The following DOT1L variants were observed in gnomAD, a reference collection of about 807,000 sequenced individuals.
DOT1L encodes DOT1 like histone lysine methyltransferase.
Under a neutral mutation model 153.3 loss-of-function variants are expected in DOT1L, and 33 were observed. The ratio of observed to expected loss-of-function variants is 0.22; its 90% confidence interval spans 0.16 to 0.29. DOT1L has a LOEUF of 0.29. Ranked by LOEUF, DOT1L falls within the 10% of genes least tolerant of loss-of-function variation. DOT1L has a pLI of 1.00. For missense variants in DOT1L, 1,847 were observed against 2,119.9 expected, an observed-to-expected ratio of 0.87 and a Z score of 2.53; for synonymous variants, 1,135 against 965.1, an observed-to-expected ratio of 1.18 and a Z score of -3.26.
rs145250472 is a variant in DOT1L at position 2,171,996 on chromosome 19, C to T, written c.81+7731C>T. On this transcript the variant is annotated intron_variant, in intron 1 of 27. Coordinates refer to ENST00000398665, the MANE Select transcript of DOT1L (RefSeq NM_032482.3). The stretch of plus-strand genomic sequence containing the variant: ...TCAGACTCCAGGGACGTGAAGATAA[C>T]AGATGGTCACATTGTGCAAATAGTG... Among the ~76,000 whole-genome samples, 22 of 152,224 alleles carry T rather than the reference C, an allele frequency of 1.4e-4. No homozygotes were observed. The East Asian group carries it at 4.1e-3, about 28-fold the overall frequency.
chr19:2,205,922 T>G (rs2023472451), intron 9 of DOT1L, among the ~76,000 whole-genome samples: 1 of 152,038 alleles, frequency 6.6e-6, no homozygotes, highest in Admixed American at 6.6e-5. Context: ...GGCTGGAACT[T>G]CTGGCAGTCT....
rs1213698806 is a variant in DOT1L at position 2,200,820 on chromosome 19, T to TCTCGTCCTCCCCGCATTC, written c.707+894_707+911dup. On this transcript the variant is annotated intron_variant, in intron 8 of 27. Transcript: ENST00000398665. Reference sequence around the variant, plus strand: ...CCGCATTCCTCGTCCTCCCCACGCCTCTCGTCCTCCCCGCATTCCTCGTCC... The same window carrying TCTCGTCCTCCCCGCATTC: ...CCGCATTCCTCGTCCTCCCCACGCCTCTCGTCCTCCCCGCATTCCTCGTCCTCCCCGCATTCCTCGTCC... Among the ~76,000 whole-genome samples, 34 of 27,202 alleles carry TCTCGTCCTCCCCGCATTC rather than the reference T, an allele frequency of 1.2e-3. 1 individual carries two copies. Among genetic ancestry groups the TCTCGTCCTCCCCGCATTC allele is most frequent in the African/African-American group, 3.5e-3 (24 of 6,904 alleles). The allele number at this position is 27,202 out of a possible 152,430, so 17.8% of individuals were successfully genotyped here. A position where few individuals can be genotyped will look rare whatever the true frequency, so the allele number is the denominator to read the frequency against.
At chr19:2,206,164 G>A (rs35792872) in intron 9 of DOT1L, among the ~76,000 whole-genome samples, 69,612 of 151,744 alleles carry the variant, frequency 0.46, 16,255 homozygotes, top group Middle Eastern at 0.55. Flanking sequence ...CACCTGGCTA[G>A]TTTTTGTATT....
At position 2,221,922 on chromosome 19, in the gene DOT1L, G is replaced by C. The variant is rs1156808426; in HGVS notation, c.2807-54G>C. On this transcript the variant is annotated intron_variant, in intron 23 of 27. Coordinates refer to ENST00000398665, the MANE Select transcript of DOT1L (RefSeq NM_032482.3). ...TAGGGGGTGGTGCTCCCACAGCAAG[G>C]CTTTCTCTTTGGCCATCCTGTGTCC... 2.6e-6 allele frequency: 4 copies of C among 1,509,718 alleles called. 1 individual carries two copies. The highest frequency in any genetic ancestry group is 8.9e-7 in the Non-Finnish European group (1 of 1,126,894). 93.5% of individuals were successfully genotyped at this position (1,509,718 alleles called of 1,614,324 possible).
At chr19:2,185,155 C>A (rs760617011) in intron 2 of DOT1L, among the ~76,000 whole-genome samples, 1 of 152,168 alleles carries the variant, frequency 6.6e-6, no homozygotes, top group African/African-American at 2.4e-5. Context: ...CTGCCCACCT[C>A]GGCCTCCCAG....
At chr19:2,195,549 G>C (rs1183822622) in intron 7 of DOT1L, among the ~76,000 whole-genome samples, 5 of 152,300 alleles carry the variant, frequency 3.3e-5, no homozygotes, top group Non-Finnish European at 5.9e-5. Context: ...ACTGCAGGAA[G>C]GTGGATGCTT....
intron 12 of DOT1L, 48 bp from the exon 13 acceptor site, chr19:2,210,352 C>T (rs909672532): frequency 1.6e-5 from 23 of 1,440,396 alleles, no homozygotes; most frequent in East Asian, 2.5e-5. Context: ...GCAGGAGGGC[C>T]GTGGGCAGCG....
chr19:2,213,905 C>T lies in DOT1L; in HGVS notation c.1716C>T (p.Ser572=), dbSNP rs765374986. Residue 572 remains serine, a synonymous_variant, in exon 18 of 28, where the codon TCC becomes TCT. Coordinates refer to ENST00000398665, the MANE Select transcript of DOT1L (RefSeq NM_032482.3). ...NDLIQAQKEI[S]AHNQQLREQS... ...TGATTCAAGCGCAGAAGGAGATCTC[C>T]GCCCATAACCAGCAGCTGCGGGAGC... The T allele has an allele frequency of 3.9e-5, 63 of 1,612,996 alleles. No individual in the cohort carries two copies. Among genetic ancestry groups the T allele is most frequent in the Non-Finnish European group, 4.5e-5 (53 of 1,180,054 alleles).
chr19:2,224,846 A>G (rs1027925464), intron 25 of DOT1L, among the ~76,000 whole-genome samples: 1 of 152,172 alleles, frequency 6.6e-6, no homozygotes, highest in African/African-American at 2.4e-5. Flanking sequence ...TAGCACCTGG[A>G]TGCTCTGTTT....
intron 7 of DOT1L, among the ~76,000 whole-genome samples, chr19:2,195,884 C>G (rs139357042): frequency 1.3e-5 from 2 of 152,334 alleles, no homozygotes; most frequent in Non-Finnish European, 2.9e-5. Flanking sequence ...TCTCACAGTT[C>G]AGAGGGATGC....
At position 2,228,848 on chromosome 19, in the gene DOT1L, G is replaced by A. The variant is rs1188908516; in HGVS notation, c.4607-937G>A. The A allele has an allele frequency of 6.1e-6, 6 of 985,462 alleles. No homozygotes were observed. In the African/African-American group the frequency reaches 8.7e-5, roughly 14 times the overall value. 61.0% of individuals were successfully genotyped at this position (985,462 alleles called of 1,614,324 possible). ...GGCTGCAGAGGTCCTGGAGAGCCAGGGTGGCTGGCTGGATGCCTCTGGTCG... is the reference window on the plus strand; with the variant it reads ...GGCTGCAGAGGTCCTGGAGAGCCAGAGTGGCTGGCTGGATGCCTCTGGTCG... On this transcript the variant is annotated intron_variant, in intron 27 of 27. Transcript: ENST00000398665.
At chr19:2,181,860 G>T (rs1283379210) in intron 2 of DOT1L, among the ~76,000 whole-genome samples, 2 of 152,138 alleles carry the variant, frequency 1.3e-5, no homozygotes, top group African/African-American at 4.8e-5. Context: ...TCTTGTTGCA[G>T]CTGGGGGCCA....
At chr19:2,184,662 A>G (rs2144714252) in intron 2 of DOT1L, among the ~76,000 whole-genome samples, 1 of 152,208 alleles carries the variant, frequency 6.6e-6, no homozygotes, top group Non-Finnish European at 1.5e-5. Flanking sequence ...TCCAAGCGGA[A>G]GGCGTGTCCT....
At position 2,164,265 on chromosome 19, in the gene DOT1L, C is replaced by T. The variant is rs1207839189; in HGVS notation, c.81C>T (p.Tyr27=). Residue 27 remains tyrosine (Y), a splice_region_variant and synonymous_variant, in exon 1 of 28, where the codon TAC becomes TAT. Transcript: ENST00000398665. The part of the protein sequence containing the change: ...PAVYPWPLPV[Y]DKHHDAAHEI... ...TCTACCCGTGGCCGCTGCCGGTCTA[C>T]GTGAGTGCCGCCCTCCACCGTCCCT... The T allele has an allele frequency of 3.2e-6, 4 of 1,269,218 alleles. No homozygotes were observed. The highest frequency in any genetic ancestry group is 4.0e-6 in the Non-Finnish European group (4 of 1,004,792). 78.6% of individuals were successfully genotyped at this position (1,269,218 alleles called of 1,614,324 possible). A position where few individuals can be genotyped will look rare whatever the true frequency, so the allele number is the denominator to read the frequency against.
In DOT1L at chr19:2,230,301, G is replaced by GCCA. The variant is rs1431929662; in HGVS notation, c.*514_*516dup. The GCCA allele has an allele frequency of 2.4e-6, 1 of 416,222 alleles. No homozygotes were observed. Among genetic ancestry groups the GCCA allele is most frequent in the Non-Finnish European group, 4.2e-6 (1 of 237,176 alleles). The allele number at this position is 416,222 out of a possible 1,614,324, so 25.8% of individuals were successfully genotyped here. On this transcript the variant is annotated 3_prime_UTR_variant, in exon 28 of 28. Transcript: ENST00000398665. ...CTCCCGTACCAAAGGCAGGCCCGTC[G>GCCA]CCACCACATTCCTCGGAGGCCTCCC...
intron 7 of DOT1L, among the ~76,000 whole-genome samples, chr19:2,195,021 C>T (rs1447058518): frequency 2.6e-5 from 4 of 152,174 alleles, no homozygotes; most frequent in African/African-American, 7.2e-5. Flanking sequence ...TGTTCTCTCC[C>T]GCCCTGTTGT....
At chr19:2,202,462 G>C (rs558186859) in intron 8 of DOT1L, among the ~76,000 whole-genome samples, 1 of 152,230 alleles carries the variant, frequency 6.6e-6, no homozygotes, top group Admixed American at 6.5e-5. Flanking sequence ...TTCACAATAA[G>C]AGACTTGGTC....
chr19:2,179,426 C>T (rs540920708), intron 1 of DOT1L, among the ~76,000 whole-genome samples: 25 of 152,150 alleles, frequency 1.6e-4, no homozygotes, highest in Admixed American at 3.9e-4. Context: ...CTGTGGACTG[C>T]AGCATCCAGG....
In DOT1L at chr19:2,223,430, C is replaced by T. The variant is rs2024206194; in HGVS notation, c.3540C>T (p.Tyr1180=). The change falls in exon 25 of 28, where the codon TAC becomes TAT. Residue 1180 remains tyrosine, a synonymous_variant. Coordinates refer to ENST00000398665, the MANE Select transcript of DOT1L (RefSeq NM_032482.3). ...RPLSQTNGAH[Y]SPLTSDEEPG... ...TGAGCCAGACCAATGGGGCACACTA[C>T]TCCCCACTCACCTCAGACGAGGAGC... 2 of 1,613,440 alleles carry T rather than the reference C, an allele frequency of 1.2e-6. No homozygotes were observed. Among genetic ancestry groups the T allele is most frequent in the Admixed American group, 1.7e-5 (1 of 59,996 alleles).
Sources: allele counts gnomAD v4.1 joint callset (sites outside exome capture counted in the v4.1 genomes callset), GRCh38; gene constraint gnomAD v4.1.1; transcripts MANE v1.5; gene names NCBI Gene and HGNC (gene_info 2026-07-23, HGNC 2026-07-21).